Variants in ARMH3 observed in about 807,000 individuals in gnomAD.
The protein encoded by ARMH3 is armadillo like helical domain containing 3.
ARMH3 carries 60 observed loss-of-function variants against 99.1 expected under a neutral mutation model. The observed-to-expected ratio is 0.61, with a 90% CI of 0.49 to 0.75. ARMH3 has a LOEUF of 0.75. ARMH3 is among the 30% of genes least tolerant of loss of function. The pLI, the probability that ARMH3 is intolerant of heterozygous loss-of-function variation, is 0.00. For synonymous variants in ARMH3, 285 were observed against 292.8 expected, an observed-to-expected ratio of 0.97 and a Z score of 0.27; for missense variants, 679 against 843.1, an observed-to-expected ratio of 0.81 and a Z score of 2.41.
intron 14 of ARMH3, among the ~76,000 whole-genome samples, chr10:102,002,686 C>T (rs957431526): frequency 6.6e-6 from 1 of 151,956 alleles, no homozygotes; most frequent in African/African-American, 2.4e-5. Flanking sequence ...ACAGGTCAAG[C>T]GCAGTGGCTC....
chr10:101,853,843 G>C (rs1039590280), intron 24 of ARMH3, among the ~76,000 whole-genome samples: 2 of 152,118 alleles, frequency 1.3e-5, no homozygotes, highest in Non-Finnish European at 2.9e-5. Flanking sequence ...GACCAGGCAC[G>C]ATGGCTCATG....
intron 15 of ARMH3, among the ~76,000 whole-genome samples, chr10:101,997,213 C>T (rs963401675): frequency 7.4e-5 from 11 of 148,168 alleles, no homozygotes; most frequent in African/African-American, 2.5e-4. Context: ...TGCAGTGAGC[C>T]GAGAAGATCA....
intron 8 of ARMH3, among the ~76,000 whole-genome samples, chr10:102,018,486 A>G (rs149912580): frequency 1.1e-3 from 161 of 152,338 alleles, no homozygotes; most frequent in Non-Finnish European, 1.7e-3. Context: ...TTTGGTCCAT[A>G]ATGGACTGCA....
chr10:102,019,959 A>G (rs1444987651), intron 8 of ARMH3, among the ~76,000 whole-genome samples: 4 of 151,242 alleles, frequency 2.6e-5, no homozygotes, highest in Admixed American at 6.6e-5. Context: ...TAGAATAAAG[A>G]TATATTCTTT....
At chr10:102,028,618 T>C (rs1297980583) in intron 5 of ARMH3, among the ~76,000 whole-genome samples, 1 of 152,184 alleles carries the variant, frequency 6.6e-6, no homozygotes, top group Non-Finnish European at 1.5e-5. Flanking sequence ...AAAAACATTA[T>C]GTGAAGTAAC....
chr10:101,937,533 A>AAG (rs1844042338), intron 23 of ARMH3, among the ~76,000 whole-genome samples: 2 of 151,290 alleles, frequency 1.3e-5, no homozygotes, highest in South Asian at 4.2e-4. Flanking sequence ...AAAAAAAAAA[A>AAG]AAGAAGAAGA....
At chr10:101,878,335 G>C (rs1044967846) in intron 24 of ARMH3, among the ~76,000 whole-genome samples, 7 of 152,106 alleles carry the variant, frequency 4.6e-5, no homozygotes, top group African/African-American at 1.7e-4. Context: ...ACCAAAATAA[G>C]TAAGTAAAAA....
chr10:102,049,810 G>T (rs2067651201), intron 1 of ARMH3, among the ~76,000 whole-genome samples: 1 of 151,728 alleles, frequency 6.6e-6, no homozygotes, highest in Non-Finnish European at 1.5e-5. Context: ...TCCCACCTAG[G>T]CCCCCCAAAG....
chr10:101,947,576 G>A (rs1031220973), intron 22 of ARMH3, among the ~76,000 whole-genome samples: 16 of 152,012 alleles, frequency 1.1e-4, no homozygotes, highest in African/African-American at 1.7e-4. Flanking sequence ...CAAGGCAGGC[G>A]GATCACCTGA....
chr10:101,901,318 A>G (rs2067971888), intron 23 of ARMH3, among the ~76,000 whole-genome samples: 1 of 151,624 alleles, frequency 6.6e-6, no homozygotes, highest in South Asian at 2.1e-4. Flanking sequence ...GAATGAAATT[A>G]AAAGACACGG....
At chr10:101,971,078 C>T (rs1351759737) in intron 20 of ARMH3, among the ~76,000 whole-genome samples, 1 of 105,010 alleles carries the variant, frequency 9.5e-6, no homozygotes, top group Non-Finnish European at 1.7e-5. Context: ...GCCTGGGCAA[C>T]AGAGTGAGAC....
chr10:101,863,302 T>C (rs1475492380), intron 24 of ARMH3, among the ~76,000 whole-genome samples: 1 of 152,140 alleles, frequency 6.6e-6, no homozygotes, highest in Admixed American at 6.5e-5. Flanking sequence ...ATCAGGAATA[T>C]AGAGCAAAAT....
At chr10:102,012,793 G>C (rs775775137) in intron 10 of ARMH3, 40 bp downstream of exon 10, 2 of 1,570,938 alleles carry the variant, frequency 1.3e-6, no homozygotes. Flanking sequence ...CAATTCAAAT[G>C]AAAATCAGAC....
Position 101,865,222 on chromosome 10 carries a change from A to AC in ARMH3, c.1861-15331_1861-15330insG, listed in dbSNP as rs537812913. 6.6e-5 allele frequency among the ~76,000 whole-genome samples: 10 copies of AC among 151,900 alleles called. No homozygotes were observed. In the East Asian group the frequency reaches 9.7e-4, roughly 15 times the overall value. ...CAGTGTGAGACTATGTCTCAAAAAA[A>AC]AAAAACAAAAACAAACAAACAAACA... On this transcript the variant is annotated intron_variant, in intron 24 of 25. Transcript: ENST00000370033.
chr10:101,862,446 G>A (rs930944351), intron 24 of ARMH3, among the ~76,000 whole-genome samples: 3 of 152,048 alleles, frequency 2.0e-5, no homozygotes, highest in African/African-American at 4.8e-5. Flanking sequence ...CCGTAGTGGC[G>A]CATGCCTGTA....
Position 102,023,703 on chromosome 10 carries a change from A to C in ARMH3, c.554T>G (p.Ile185Ser). ...TAAAATTGCTTCAAATATGCTGTTG[A>C]TCATTACATACTCGAGAATAGTGTT... ...SQNTILEYVMINSIFEAILQI... is the reference protein window; with the variant it reads ...SQNTILEYVMSNSIFEAILQI... The change falls in exon 7 of 26, where the codon ATC (isoleucine) becomes AGC (serine). Residue 185 changes from isoleucine to serine, a missense_variant. By Grantham distance (142) the Ile-to-Ser change is moderately radical (BLOSUM62 -2). Coordinates refer to ENST00000370033, the MANE Select transcript of ARMH3 (RefSeq NM_024541.3). 1 of 1,614,182 alleles carries C rather than the reference A, an allele frequency of 6.2e-7. No individual in the cohort carries two copies. Among genetic ancestry groups the C allele is most frequent in the South Asian group, 1.1e-5 (1 of 91,082 alleles).
chr10:101,906,125 A>G (rs917976469), intron 23 of ARMH3, among the ~76,000 whole-genome samples: 18 of 152,220 alleles, frequency 1.2e-4, no homozygotes, highest in Non-Finnish European at 1.3e-4. Flanking sequence ...ATTTCATTGT[A>G]TAAATATACC....
At chr10:102,007,586 C>G (rs949380010) in intron 13 of ARMH3, among the ~76,000 whole-genome samples, 9 of 146,420 alleles carry the variant, frequency 6.1e-5, no homozygotes, top group Non-Finnish European at 1.2e-4. Flanking sequence ...TTTGGGAGGC[C>G]GAGGCAGATG....
intron 8 of ARMH3, among the ~76,000 whole-genome samples, chr10:102,021,165 C>G (rs138976666): frequency 6.6e-6 from 1 of 152,120 alleles, no homozygotes; most frequent in African/African-American, 2.4e-5. Context: ...TAACCTCCAC[C>G]TCCTGGGCTC....
Sources: gnomAD v4.1 joint callset for allele counts (sites outside exome capture counted in the v4.1 genomes callset) on GRCh38, gnomAD v4.1.1 for gene constraint, MANE v1.5 for transcripts, NCBI Gene and HGNC (gene_info 2026-07-23, HGNC 2026-07-21) for gene names.